CPNE4: variants seen among roughly 807,000 people sequenced by gnomAD.
CPNE4 encodes copine 4, also known as copine-4.
In CPNE4, 25 loss-of-function variants were observed where a neutral mutation model predicts 67.9. The ratio of observed to expected loss-of-function variants is 0.37; its 90% confidence interval spans 0.27 to 0.51. The LOEUF is 0.51. Among genes scored for constraint, CPNE4 ranks in the 20% least tolerant of loss-of-function variants. The pLI, the probability that CPNE4 is intolerant of heterozygous loss-of-function variation, is 0.93. For missense variants in CPNE4, 464 were observed against 690.8 expected, an observed-to-expected ratio of 0.67 and a Z score of 3.68; for synonymous variants, 242 against 244.9, an observed-to-expected ratio of 0.99 and a Z score of 0.11.
chr3:131,982,204 A>T (rs2072925553), intron 1 of CPNE4, among the ~76,000 whole-genome samples: 1 of 152,290 alleles, frequency 6.6e-6, no homozygotes, highest in South Asian at 2.1e-4. Flanking sequence ...TATCAAGATA[A>T]ATTGTCTTAC....
Position 132,008,307 on chromosome 3 carries a change from G to C in CPNE4, c.-2+26260C>G, listed in dbSNP as rs111865773. On this transcript the variant is annotated intron_variant, in intron 1 of 15. Transcript: ENST00000429747. ...AAATATCAATTCTAGAGCAGACTTG[G>C]TATCTGTTTTATTTAAGGTTCATAT... is the stretch of plus-strand genomic sequence containing the variant. Among the ~76,000 whole-genome samples, 1,253 of 152,144 alleles carry C rather than the reference G, an allele frequency of 8.2e-3. 19 individuals are homozygous for C. Among genetic ancestry groups the C allele is most frequent in the African/African-American group, 0.029 (1,183 of 41,502 alleles).
chr3:131,644,043 T>G (rs1582946170), intron 7 of CPNE4, among the ~76,000 whole-genome samples: 1 of 152,174 alleles, frequency 6.6e-6, no homozygotes, highest in East Asian at 1.9e-4. Flanking sequence ...AGGTACACAC[T>G]TTTGGCATAG....
At chr3:131,977,159 G>C (rs1347450463) in intron 1 of CPNE4, among the ~76,000 whole-genome samples, 1 of 152,100 alleles carries the variant, frequency 6.6e-6, no homozygotes, top group Non-Finnish European at 1.5e-5. Context: ...TTTCCTAAGA[G>C]TCTTTGTAAA....
At chr3:131,784,773 A>G (rs534145970) in intron 2 of CPNE4, among the ~76,000 whole-genome samples, 1 of 152,168 alleles carries the variant, frequency 6.6e-6, no homozygotes, top group African/African-American at 2.4e-5. Flanking sequence ...TAACATACCT[A>G]TATTCTAATA....
chr3:131,898,742 A>G (rs185795957), intron 2 of CPNE4, among the ~76,000 whole-genome samples: 55 of 152,200 alleles, frequency 3.6e-4, no homozygotes, highest in Admixed American at 1.5e-3. Flanking sequence ...CAAGGAGAAA[A>G]TATTATCTGG....
chr3:131,963,934 T>C (rs1365595781), intron 1 of CPNE4, among the ~76,000 whole-genome samples: 1 of 152,128 alleles, frequency 6.6e-6, no homozygotes, highest in Admixed American at 6.5e-5. Flanking sequence ...TACTAGGAGA[T>C]ATCTCCTAGC....
chr3:131,563,957 T>G (rs772180274), intron 11 of CPNE4, among the ~76,000 whole-genome samples: 1 of 152,042 alleles, frequency 6.6e-6, no homozygotes, highest in Non-Finnish European at 1.5e-5. Context: ...AGGCTAAGAC[T>G]TCACAAAATG....
chr3:131,599,271 G>T (rs1223042309), intron 7 of CPNE4, among the ~76,000 whole-genome samples: 1 of 152,194 alleles, frequency 6.6e-6, no homozygotes, highest in Admixed American at 6.5e-5. Flanking sequence ...TTGTTTGGAG[G>T]TTGTGACTTG....
intron 2 of CPNE4, among the ~76,000 whole-genome samples, chr3:131,816,449 A>T (rs1022359144): frequency 5.9e-5 from 9 of 152,218 alleles, no homozygotes; most frequent in African/African-American, 2.2e-4. Context: ...GAAGAGATCA[A>T]TCATTTACTT....
chr3:131,824,199 C>T (rs1379857780), intron 2 of CPNE4, among the ~76,000 whole-genome samples: 2 of 151,174 alleles, frequency 1.3e-5, no homozygotes, highest in Non-Finnish European at 2.9e-5. Context: ...TGTGAGAAGC[C>T]CCATCTAACA....
At chr3:131,790,740 C>A (rs1583202798) in intron 2 of CPNE4, among the ~76,000 whole-genome samples, 2 of 152,072 alleles carry the variant, frequency 1.3e-5, no homozygotes, top group African/African-American at 4.8e-5. Flanking sequence ...TGATTAAATC[C>A]TATCATTTAT....
intron 4 of CPNE4, among the ~76,000 whole-genome samples, chr3:131,698,032 C>A (rs1182595000): frequency 6.6e-6 from 1 of 151,434 alleles, no homozygotes; most frequent in East Asian, 1.9e-4. Flanking sequence ...GAGATCGAGA[C>A]CATCCTGGCT....
chr3:132,014,683 GT>G (rs1426645146), intron 1 of CPNE4, among the ~76,000 whole-genome samples: 2 of 152,030 alleles, frequency 1.3e-5, no homozygotes, highest in African/African-American at 2.4e-5. Flanking sequence ...GCATTCCATG[GT>G]GTATATAAGG....
At chr3:131,570,458 G>A (rs1373327420) in intron 10 of CPNE4, among the ~76,000 whole-genome samples, 2 of 152,076 alleles carry the variant, frequency 1.3e-5, no homozygotes, top group South Asian at 4.1e-4. Flanking sequence ...CTAGCATTAG[G>A]TATATCTCCC....
intron 2 of CPNE4, among the ~76,000 whole-genome samples, chr3:131,725,353 G>C (rs1195009203): frequency 6.6e-6 from 1 of 152,150 alleles, no homozygotes; most frequent in Non-Finnish European, 1.5e-5. Context: ...GACAATCCGG[G>C]TTGCAAGGAG....
chr3:131,871,107 C>CGA (rs2087181538), intron 2 of CPNE4, among the ~76,000 whole-genome samples: 1 of 152,108 alleles, frequency 6.6e-6, no homozygotes, highest in South Asian at 2.1e-4. Context: ...GAAGAAAACA[C>CGA]ATTGCAGAGG....
In CPNE4 at chr3:131,557,654, T is replaced by C. The variant is rs2107654398; in HGVS notation, c.1062-2103A>G. 1.3e-5 allele frequency among the ~76,000 whole-genome samples: 2 copies of C among 152,172 alleles called. 1 individual carries two copies. The highest frequency in any genetic ancestry group is 1.3e-4 in the Admixed American group (2 of 15,268). On this transcript the variant is annotated intron_variant, in intron 11 of 15. Transcript: ENST00000429747. ...TGCATTGCATCTAGCAGGTATTAGA[T>C]AAGGTATTAATGTGGGTAAATAGAG... is the stretch of plus-strand genomic sequence containing the variant.
At position 131,697,371 on chromosome 3, in the gene CPNE4, T is replaced by A. The variant is rs553029976; in HGVS notation, c.433-755A>T. Among the ~76,000 whole-genome samples, 50 of 152,300 alleles carry A rather than the reference T, an allele frequency of 3.3e-4. No homozygotes were observed. The South Asian group carries it at 5.4e-3, about 16-fold the overall frequency. On this transcript the variant is annotated intron_variant, in intron 4 of 15. Transcript: ENST00000429747. ...AAGTTAAAACCTTTATAAATAATGT[T>A]AGGATTTACCATGTATTCTGTGGCC...
upstream of CPNE4, among the ~76,000 whole-genome samples, chr3:132,038,925 G>A (rs1382286589): frequency 2.0e-5 from 3 of 152,126 alleles, no homozygotes; most frequent in East Asian, 5.8e-4. Context: ...TCTTGCAGAT[G>A]GGGTAGTGAT....
Sources: allele counts gnomAD v4.1 joint callset (sites outside exome capture counted in the v4.1 genomes callset), GRCh38; gene constraint gnomAD v4.1.1; transcripts MANE v1.5; gene names NCBI Gene and HGNC (gene_info 2026-07-23, HGNC 2026-07-21).